The following AGBL4 variants were observed in gnomAD, a reference collection of about 807,000 sequenced individuals.
AGBL4 encodes AGBL carboxypeptidase 4.
AGBL4 carries 58 observed loss-of-function variants against 66.4 expected under a neutral mutation model. The ratio of observed to expected loss-of-function variants is 0.87; its 90% CI spans 0.71 to 1.09. The LOEUF (loss-of-function observed/expected upper bound fraction) is 1.09. AGBL4 is among the 50% of genes least tolerant of loss of function. AGBL4 has a pLI of 0.00. For synonymous variants in AGBL4, 234 were observed against 222.9 expected (o/e 1.05, Z -0.44); for missense variants, 579 against 631.0 (o/e 0.92, Z 0.88).
intron 3 of AGBL4, among the ~76,000 whole-genome samples, chr1:49,451,571 C>T (rs1262492053): frequency 6.6e-6 from 1 of 152,010 alleles, no homozygotes. Context: ...TCAAAATTCA[C>T]CTCAGGCACA....
intron 4 of AGBL4, among the ~76,000 whole-genome samples, chr1:49,177,707 T>C (rs981106578): frequency 8.5e-5 from 13 of 152,094 alleles, no homozygotes; most frequent in African/African-American, 3.1e-4. Context: ...GACCAATCTA[T>C]TGATTTCATA....
chr1:48,841,417 A>C (rs1646799508), intron 6 of AGBL4, among the ~76,000 whole-genome samples: 1 of 136,204 alleles, frequency 7.3e-6, no homozygotes, highest in African/African-American at 2.7e-5. Context: ...CCCCCCAAAA[A>C]AAAAGAAGAG....
At chr1:48,724,317 G>A (rs1181417930) in intron 6 of AGBL4, among the ~76,000 whole-genome samples, 1 of 152,220 alleles carries the variant, frequency 6.6e-6, no homozygotes, top group Non-Finnish European at 1.5e-5. Flanking sequence ...GTTGGTAAGT[G>A]CTAGAGTTGG....
chr1:49,709,989 G>A (rs1014117189), intron 2 of AGBL4, among the ~76,000 whole-genome samples: 1 of 152,186 alleles, frequency 6.6e-6, no homozygotes. Context: ...TACACTGTTG[G>A]TGGGAGTGTA....
chr1:48,935,958 GAAAAAAAAAAAAAAAAAAAAAAAAA>G (rs71056686), intron 5 of AGBL4, among the ~76,000 whole-genome samples: 2 of 24,584 alleles, frequency 8.1e-5, no homozygotes, highest in Non-Finnish European at 1.7e-4. Context: ...GACTCTGTCT[GAAAAAAAAAAAAAAAAAAAAAAAAA>G]AAAAAAAAAA....
At chr1:48,964,468 C>T (rs1011794888) in intron 5 of AGBL4, among the ~76,000 whole-genome samples, 2 of 152,166 alleles carry the variant, frequency 1.3e-5, no homozygotes, top group South Asian at 2.1e-4. Flanking sequence ...TACATGAGAT[C>T]ATGGATAGAG....
At chr1:49,856,747 T>C (rs1201329139) in intron 1 of AGBL4, among the ~76,000 whole-genome samples, 3 of 152,020 alleles carry the variant, frequency 2.0e-5, no homozygotes, top group African/African-American at 7.2e-5. Flanking sequence ...ATAAAGGCAA[T>C]ATATGACAAA....
intron 3 of AGBL4, among the ~76,000 whole-genome samples, chr1:49,649,201 C>G (rs919955501): frequency 6.6e-6 from 1 of 151,986 alleles, no homozygotes; most frequent in Non-Finnish European, 1.5e-5. Flanking sequence ...AAACAAGATC[C>G]AACTATATGT....
rs978809401 is a variant in AGBL4 at position 49,575,674 on chromosome 1, G to A, written c.282+121639C>T. Among the ~76,000 whole-genome samples the A allele has an allele frequency of 2.6e-5, 4 of 152,322 alleles. No homozygotes were observed. In the East Asian group the frequency reaches 5.8e-4, roughly 22 times the overall value. On this transcript the variant is annotated intron_variant, in intron 3 of 13. Coordinates refer to ENST00000371839, the MANE Select transcript of AGBL4 (RefSeq NM_032785.4). ...TCCAATTGCAGCTGCTGTACCATAT[G>A]TGGTTTCATTGCTTGAGCAAATTAA... is the stretch of plus-strand genomic sequence containing the variant.
rs549295473 is a variant in AGBL4, at chr1:48,982,593, G to T, written c.594+62991C>A. 9.9e-5 allele frequency among the ~76,000 whole-genome samples: 15 copies of T among 152,166 alleles called. No homozygotes were observed. In the South Asian group the frequency reaches 3.1e-3, roughly 32 times the overall value. On this transcript the variant is annotated intron_variant, in intron 5 of 13. Transcript: ENST00000371839. ...ATATGTGCCACATTTTCTTAATCCA[G>T]TCTATCATTGTTGGACATTTGGGTT...
chr1:49,013,670 G>C (rs1662613098), intron 5 of AGBL4, among the ~76,000 whole-genome samples: 1 of 152,004 alleles, frequency 6.6e-6, no homozygotes, highest in South Asian at 2.1e-4. Flanking sequence ...CCACCTCTCT[G>C]GGTAGTTCTT....
intron 2 of AGBL4, among the ~76,000 whole-genome samples, chr1:49,810,918 C>T (rs1283760146): frequency 6.6e-6 from 1 of 152,146 alleles, no homozygotes; most frequent in Non-Finnish European, 1.5e-5. Context: ...ATAGTCATGG[C>T]AGCCTGAACT....
intron 3 of AGBL4, among the ~76,000 whole-genome samples, chr1:49,372,645 TTCTTTCTTTC>T (rs1644381940): frequency 7.2e-6 from 1 of 139,472 alleles, no homozygotes; most frequent in Non-Finnish European, 1.5e-5. Flanking sequence ...CTTTCTTTCT[TTCTTTCTTTC>T]TTTCTTTCTT....
chr1:49,950,141 CAT>C (rs1469819389), intron 1 of AGBL4, among the ~76,000 whole-genome samples: 32 of 140,682 alleles, frequency 2.3e-4, no homozygotes, highest in African/African-American at 8.1e-4. Flanking sequence ...TATATATACA[CAT>C]ATGTGTATAT....
At chr1:48,704,009 A>G (rs931146948) in intron 6 of AGBL4, among the ~76,000 whole-genome samples, 18 of 152,246 alleles carry the variant, frequency 1.2e-4, no homozygotes, top group Non-Finnish European at 2.2e-4. Flanking sequence ...ATACACTACT[A>G]TATACCTAAG....
At chr1:48,650,874 A>G (rs1434450453) in intron 8 of AGBL4, among the ~76,000 whole-genome samples, 1 of 152,202 alleles carries the variant, frequency 6.6e-6, no homozygotes, top group Non-Finnish European at 1.5e-5. Context: ...TGAATAAAAG[A>G]ACATGTTTAA....
At chr1:49,039,328 T>C (rs1399139038) in intron 5 of AGBL4, among the ~76,000 whole-genome samples, 1 of 152,090 alleles carries the variant, frequency 6.6e-6, no homozygotes, top group Non-Finnish European at 1.5e-5. Context: ...CTAAGGTAAA[T>C]GATGGAATCT....
At chr1:48,920,964 G>A (rs1192866138) in intron 5 of AGBL4, among the ~76,000 whole-genome samples, 2 of 152,222 alleles carry the variant, frequency 1.3e-5, no homozygotes, top group Non-Finnish European at 2.9e-5. Context: ...TGGGACAAGG[G>A]TATGGAGCTC....
intron 1 of AGBL4, among the ~76,000 whole-genome samples, chr1:49,934,824 C>CAA (rs1196613164): frequency 0.11 from 13,080 of 114,094 alleles, 834 homozygotes; most frequent in African/African-American, 0.18. Flanking sequence ...ATCAGAGATA[C>CAA]AAAAAAAAAA....
Sources: allele counts gnomAD v4.1 joint callset (sites outside exome capture counted in the v4.1 genomes callset), GRCh38; gene constraint gnomAD v4.1.1; transcripts MANE v1.5; gene names NCBI Gene and HGNC (gene_info 2026-07-23, HGNC 2026-07-21).